The following OXSR1 variants were observed in gnomAD, a reference collection of about 807,000 sequenced individuals.
OXSR1 encodes the protein serine/threonine-protein kinase OSR1.
A neutral mutation model predicts 79.8 loss-of-function variants in OXSR1; 24 were observed. The ratio of observed to expected loss-of-function variants is 0.30; its 90% confidence interval spans 0.22 to 0.42. The LOEUF is 0.42. OXSR1 is among the 10% of genes least tolerant of loss of function. The probability of loss-of-function intolerance (pLI) is 1.00; values close to 1 mark genes in which losing one functional copy is unlikely to be tolerated. For synonymous variants in OXSR1, 226 were observed against 209.2 expected, an observed-to-expected ratio of 1.08 and a Z score of -0.69; for missense variants, 430 against 618.4, an observed-to-expected ratio of 0.70 and a Z score of 3.23.
At chr3:38,170,184 A>G (rs1701550837) in intron 1 of OXSR1, among the ~76,000 whole-genome samples, 1 of 151,998 alleles carries the variant, frequency 6.6e-6, no homozygotes, top group Admixed American at 6.5e-5. Context: ...AGGTGGGATT[A>G]CACATGCGTG....
At chr3:38,205,271 C>G (rs1236363190) in intron 4 of OXSR1, among the ~76,000 whole-genome samples, 1 of 152,174 alleles carries the variant, frequency 6.6e-6, no homozygotes, top group East Asian at 1.9e-4. Context: ...AGTTTTGGTT[C>G]TTATGAAGGT....
chr3:38,236,919 T>A lies in OXSR1; in HGVS notation c.1032T>A (p.Asp344Glu), dbSNP rs1393354505. 3.7e-6 allele frequency: 6 copies of A among 1,612,588 alleles called. No homozygotes were observed. Among genetic ancestry groups the A allele is most frequent in the African/African-American group, 1.3e-5 (1 of 74,842 alleles). ...GGWEWSDDEF[D>E]EESEEGKAAI... is the part of the protein sequence containing the mutation. ...GGGAGTGGAGTGATGATGAATTTGA[T>A]GAAGAAAGTGAGGAAGGGAAAGCAG... The change falls in exon 11 of 18, where the codon GAT becomes GAA. Residue 344 changes from aspartate (D) to glutamate (E), a missense_variant. By Grantham distance (45) the Asp-to-Glu change is conservative. This residue lies in a region of OXSR1 where 276 missense variants were observed against 354.2 expected (regional missense o/e 0.78). Coordinates refer to ENST00000311806, the MANE Select transcript of OXSR1 (RefSeq NM_005109.3).
In OXSR1 at chr3:38,249,961, C is replaced by A. The variant is rs956802581; in HGVS notation, c.1323-5C>A. 1.9e-6 allele frequency: 3 copies of A among 1,545,186 alleles called. No individual in the cohort carries two copies. Among genetic ancestry groups the A allele is most frequent in the Non-Finnish European group, 2.7e-6 (3 of 1,121,262 alleles). ...TTATTTTATGCATTCTGCTTTCTTTCATAGGAATTCCAAAAAAGAACTAAA... is the reference window on the plus strand; with the variant it reads ...TTATTTTATGCATTCTGCTTTCTTTAATAGGAATTCCAAAAAAGAACTAAA... On this transcript the variant is annotated splice_polypyrimidine_tract_variant and splice_region_variant and intron_variant, in intron 14 of 17. Coordinates refer to ENST00000311806, the MANE Select transcript of OXSR1 (RefSeq NM_005109.3).
chr3:38,173,064 G>A (rs1701612260), intron 1 of OXSR1, among the ~76,000 whole-genome samples: 1 of 152,162 alleles, frequency 6.6e-6, no homozygotes, highest in South Asian at 2.1e-4. Context: ...TCTTTTAAAA[G>A]GCTTTCTTTC....
intron 5 of OXSR1, among the ~76,000 whole-genome samples, chr3:38,219,779 A>AGATGATGAT (rs3058799): frequency 0.034 from 4,971 of 148,314 alleles, 115 homozygotes; most frequent in Non-Finnish European, 0.046. Flanking sequence ...AAAACTGTTA[A>AGATGATGAT]GATGATGATG....
chr3:38,208,834 G>A (rs1365458958), intron 4 of OXSR1, among the ~76,000 whole-genome samples: 1 of 152,142 alleles, frequency 6.6e-6, no homozygotes, highest in Non-Finnish European at 1.5e-5. Context: ...CGTGGGAGGC[G>A]GAGGTTGCAG....
At chr3:38,167,309 G>A (rs1050008592) in intron 1 of OXSR1, among the ~76,000 whole-genome samples, 4 of 152,228 alleles carry the variant, frequency 2.6e-5, no homozygotes, top group Non-Finnish European at 1.5e-5. Context: ...GCTGGGGACT[G>A]GGGATGAGGG....
At chr3:38,164,804 A>T (rs1701398079), upstream of OXSR1, among the ~76,000 whole-genome samples, 1 of 152,162 alleles carries the variant, frequency 6.6e-6, no homozygotes, top group African/African-American at 2.4e-5. Flanking sequence ...GAACCCGCCC[A>T]GTGCAGGGTG....
At chr3:38,204,403 G>A (rs1178169878) in intron 4 of OXSR1, among the ~76,000 whole-genome samples, 4 of 152,084 alleles carry the variant, frequency 2.6e-5, no homozygotes, top group Non-Finnish European at 4.4e-5. Context: ...AACAGAAGGA[G>A]TCCCTCCCTG....
chr3:38,251,253 T>C (rs1375051460), intron 15 of OXSR1, 150 bp from the exon 16 acceptor site: 9 of 679,902 alleles, frequency 1.3e-5, no homozygotes, highest in Non-Finnish European at 2.1e-5. Context: ...AGTCTTTGTA[T>C]GGAAGGAAGG....
rs771310191 is a variant in OXSR1 at position 38,219,781 on chromosome 3, A to ATGATGG, written c.491-1792_491-1791insGTGATG. Among the ~76,000 whole-genome samples the ATGATGG allele has an allele frequency of 3.2e-3, 390 of 121,888 alleles. 2 individuals are homozygous for ATGATGG. Among genetic ancestry groups the ATGATGG allele is most frequent in the Middle Eastern group, 0.023 (5 of 218 alleles). The allele number at this position is 121,888 out of a possible 152,430, so 80.0% of individuals were successfully genotyped here. ...TTTAGGAGTATTGAAAACTGTTAAG[A>ATGATGG]TGATGATGATGATGATGATGATGAT... On this transcript the variant is annotated intron_variant, in intron 5 of 17. Coordinates refer to ENST00000311806, the MANE Select transcript of OXSR1 (RefSeq NM_005109.3).
chr3:38,254,522 G>A lies in OXSR1; in HGVS notation c.*1631G>A. The stretch of plus-strand genomic sequence containing the variant: ...CAACGTCCCAGCAGTCTTGGTAAAA[G>A]GAGGGAGCCTGCTGAGCCAGGAGGG... On this transcript the variant is annotated 3_prime_UTR_variant, in exon 18 of 18. Coordinates refer to ENST00000311806, the MANE Select transcript of OXSR1 (RefSeq NM_005109.3). 2.9e-6 allele frequency: 1 copy of A among 350,394 alleles called. No homozygotes were observed. The highest frequency in any genetic ancestry group is 4.2e-5 in the East Asian group (1 of 24,078). The allele number at this position is 350,394 out of a possible 1,614,324, so 21.7% of individuals were successfully genotyped here.
At chr3:38,208,828 G>A (rs978900995) in intron 4 of OXSR1, among the ~76,000 whole-genome samples, 15 of 152,208 alleles carry the variant, frequency 9.9e-5, no homozygotes, top group African/African-American at 3.6e-4. Context: ...CCTGAACGTG[G>A]GAGGCGGAGG....
At chr3:38,211,827 A>G (rs1702394247) in intron 4 of OXSR1, among the ~76,000 whole-genome samples, 1 of 152,004 alleles carries the variant, frequency 6.6e-6, no homozygotes, top group Non-Finnish European at 1.5e-5. Context: ...CTTACTTTGC[A>G]TCTAGCTGTG....
chr3:38,230,650 C>T, intron 10 of OXSR1: 1 of 439,232 alleles, frequency 2.3e-6, no homozygotes, highest in Non-Finnish European at 4.2e-6. Context: ...GGATGCTAGA[C>T]AGTAATTGGT....
intron 2 of OXSR1, 32 bp downstream of exon 2, chr3:38,183,147 G>C (rs1278647419): frequency 8.8e-7 from 1 of 1,139,446 alleles, no homozygotes; most frequent in Non-Finnish European, 1.3e-6. Flanking sequence ...GAAATGGAGA[G>C]ATATACTCAT....
chr3:38,192,644 A>G (rs1702004888), intron 3 of OXSR1, among the ~76,000 whole-genome samples: 1 of 152,234 alleles, frequency 6.6e-6, no homozygotes, highest in Non-Finnish European at 1.5e-5. Context: ...TATTCTTAGA[A>G]TAAAATATAA....
chr3:38,241,225 C>G (rs1431081847), intron 11 of OXSR1, among the ~76,000 whole-genome samples: 1 of 151,976 alleles, frequency 6.6e-6, no homozygotes, highest in Non-Finnish European at 1.5e-5. Context: ...ATGTAGAATT[C>G]CAAGTGGGAA....
At chr3:38,230,558 A>G in intron 10 of OXSR1, 128 bp downstream of exon 10, 1 of 658,534 alleles carries the variant, frequency 1.5e-6, no homozygotes, top group Non-Finnish European at 2.7e-6. Flanking sequence ...TTTCTAAAGC[A>G]TTCTTTGATA....
Sources: allele counts gnomAD v4.1 joint callset (sites outside exome capture counted in the v4.1 genomes callset), GRCh38; gene constraint gnomAD v4.1.1; regional missense constraint gnomAD v4.1.1; transcripts MANE v1.5; gene names NCBI Gene and HGNC (gene_info 2026-07-23, HGNC 2026-07-21).